SLC7A1: variants seen among roughly 807,000 people sequenced by gnomAD.
SLC7A1 encodes solute carrier family 7 member 1.
SLC7A1 carries 10 observed loss-of-function variants against 53.9 expected under a neutral mutation model. The ratio of observed to expected loss-of-function variants is 0.19; its 90% CI spans 0.11 to 0.31. The LOEUF is 0.31. SLC7A1 is among the 10% of genes least tolerant of loss of function. The pLI, the probability that SLC7A1 is intolerant of heterozygous loss-of-function variation, is 1.00. For synonymous variants in SLC7A1, 342 were observed against 338.7 expected (o/e 1.01, Z -0.11); for missense variants, 525 against 827.2 (o/e 0.63, Z 4.48).
chr13:29,517,396 G>A (rs1340410133), intron 10 of SLC7A1, 86 bp from the exon 11 acceptor site: 1 of 1,409,580 alleles, frequency 7.1e-7, no homozygotes. Context: ...CTAAACTTGT[G>A]GAGAGAGAGG....
intron 1 of SLC7A1, among the ~76,000 whole-genome samples, chr13:29,566,989 G>A (rs1436200500): frequency 6.6e-6 from 1 of 152,106 alleles, no homozygotes; most frequent in Non-Finnish European, 1.5e-5. Flanking sequence ...AGTTGCCGTT[G>A]GTAAGAGGCT....
intron 9 of SLC7A1, 103 bp from the exon 10 acceptor site, chr13:29,517,893 C>G (rs868068723): frequency 1.3e-5 from 11 of 850,942 alleles, no homozygotes; most frequent in Non-Finnish European, 2.2e-5. Context: ...GCCCGGGACA[C>G]AAGGTATAAA....
intron 1 of SLC7A1, among the ~76,000 whole-genome samples, chr13:29,592,287 G>A (rs1254626701): frequency 6.6e-6 from 1 of 152,174 alleles, no homozygotes; most frequent in East Asian, 1.9e-4. Flanking sequence ...GAGGAAAAAA[G>A]CCCAATGAAA....
chr13:29,589,644 C>T (rs9579412), intron 1 of SLC7A1, among the ~76,000 whole-genome samples: 27,900 of 152,152 alleles, frequency 0.18, 3,377 homozygotes, highest in African/African-American at 0.34. Flanking sequence ...AGCGTTGGGG[C>T]GGGTGACCGG....
rs1301067034 is a variant in SLC7A1 at position 29,553,757 on chromosome 13, GT to G, written c.-15+3del. The G allele has an allele frequency of 6.6e-6, 1 of 152,220 alleles. No individual in the cohort carries two copies. Among genetic ancestry groups the G allele is most frequent in the Non-Finnish European group, 1.5e-5 (1 of 68,056 alleles). The allele number at this position is 152,220 out of a possible 1,614,324, so 9.4% of individuals were successfully genotyped here. A position where few individuals can be genotyped will look rare whatever the true frequency, so the allele number is the denominator to read the frequency against. Reference sequence around the variant, plus strand: ...CTGCTGTCGTGCTGACAGGCAGACTGTACCTGGAATATGACGGGAAGCCTCA... The same window carrying G: ...CTGCTGTCGTGCTGACAGGCAGACTGACCTGGAATATGACGGGAAGCCTCA... On this transcript the variant is annotated splice_donor_region_variant and intron_variant, in intron 2 of 12. Transcript: ENST00000380752.
chr13:29,560,744 A>G (rs571236733), intron 1 of SLC7A1, among the ~76,000 whole-genome samples: 3 of 152,272 alleles, frequency 2.0e-5, no homozygotes, highest in African/African-American at 7.2e-5. Flanking sequence ...TTATAACCTT[A>G]TGGAACTACT....
At chr13:29,532,195 G>A (rs929494747) in intron 4 of SLC7A1, among the ~76,000 whole-genome samples, 1 of 152,178 alleles carries the variant, frequency 6.6e-6, no homozygotes, top group Non-Finnish European at 1.5e-5. Flanking sequence ...TGTTTATGGA[G>A]CCCCACAGAG....
chr13:29,580,811 G>A (rs1189781919), intron 1 of SLC7A1, among the ~76,000 whole-genome samples: 3 of 152,084 alleles, frequency 2.0e-5, no homozygotes, highest in South Asian at 2.1e-4. Context: ...CCATACAAAC[G>A]AAATCAGATT....
chr13:29,570,042 A>G (rs1440305304), intron 1 of SLC7A1, among the ~76,000 whole-genome samples: 2 of 152,244 alleles, frequency 1.3e-5, no homozygotes, highest in Non-Finnish European at 2.9e-5. Context: ...AACTCCCTGA[A>G]TGCCACATTC....
chr13:29,523,025 C>T (rs1223634537), intron 7 of SLC7A1, among the ~76,000 whole-genome samples: 1 of 152,182 alleles, frequency 6.6e-6, no homozygotes, highest in Non-Finnish European at 1.5e-5. Context: ...CCTTGCTAAG[C>T]AGATGATGCT....
At chr13:29,572,248 A>G (rs933253993) in intron 1 of SLC7A1, among the ~76,000 whole-genome samples, 23 of 152,258 alleles carry the variant, frequency 1.5e-4, no homozygotes, top group African/African-American at 5.3e-4. Context: ...AGAGAAGCCC[A>G]GTGGACCAGT....
At chr13:29,563,490 C>G (rs559240481) in intron 1 of SLC7A1, among the ~76,000 whole-genome samples, 1 of 152,204 alleles carries the variant, frequency 6.6e-6, no homozygotes, top group Admixed American at 6.5e-5. Context: ...AGAACACCCT[C>G]GATGTCCCTG....
In SLC7A1 at chr13:29,536,080, G is replaced by A; in HGVS notation, c.109C>T (p.Leu37=). ...RLSRCLNTFD[L]VALGVGSTLG... Reference sequence around the variant, plus strand: ...GTGCTGCCCACCCCGAGGGCCACCAGATCAAAAGTGTTCAGGCAGCGAGAC... The same window carrying A: ...GTGCTGCCCACCCCGAGGGCCACCAAATCAAAAGTGTTCAGGCAGCGAGAC... Residue 37 remains leucine (L), a synonymous_variant, in exon 3 of 13, where the codon CTG becomes TTG. Transcript: ENST00000380752. The A allele has an allele frequency of 6.2e-7, 1 of 1,613,986 alleles. No homozygotes were observed. The highest frequency in any genetic ancestry group is 8.5e-7 in the Non-Finnish European group (1 of 1,180,036).
chr13:29,536,392 T>C (rs1869422095), intron 2 of SLC7A1, among the ~76,000 whole-genome samples, 190 bp from the exon 3 acceptor site: 1 of 152,200 alleles, frequency 6.6e-6, no homozygotes, highest in African/African-American at 2.4e-5. Flanking sequence ...CACCAGCACA[T>C]ACAGAATTAA....
intron 3 of SLC7A1, among the ~76,000 whole-genome samples, chr13:29,533,929 G>T (rs1405311190): frequency 6.6e-6 from 1 of 152,162 alleles, no homozygotes; most frequent in Admixed American, 6.5e-5. Flanking sequence ...TTGCCACAGT[G>T]ATCTGCAGAG....
At chr13:29,579,078 G>A (rs531299178) in intron 1 of SLC7A1, among the ~76,000 whole-genome samples, 79 of 152,196 alleles carry the variant, frequency 5.2e-4, no homozygotes, top group Non-Finnish European at 8.7e-4. Flanking sequence ...ACAGAGCTTC[G>A]GCCAGACTCT....
intron 2 of SLC7A1, among the ~76,000 whole-genome samples, chr13:29,543,087 C>G (rs1566262639): frequency 6.6e-6 from 1 of 152,192 alleles, no homozygotes; most frequent in African/African-American, 2.4e-5. Flanking sequence ...GGCAAACCCC[C>G]AGTCCTTATT....
chr13:29,557,018 C>A (rs1219115591), intron 1 of SLC7A1, among the ~76,000 whole-genome samples: 1 of 152,250 alleles, frequency 6.6e-6, no homozygotes, highest in Non-Finnish European at 1.5e-5. Flanking sequence ...ATGAACTCAT[C>A]AGGATTAATG....
At chr13:29,587,929 G>A (rs1482961864) in intron 1 of SLC7A1, among the ~76,000 whole-genome samples, 1 of 152,242 alleles carries the variant, frequency 6.6e-6, no homozygotes, top group Non-Finnish European at 1.5e-5. Context: ...AGCTGAAGGA[G>A]CTGAGAAAGT....
Sources: gnomAD v4.1 joint callset for allele counts (sites outside exome capture counted in the v4.1 genomes callset) on GRCh38, gnomAD v4.1.1 for gene constraint, MANE v1.5 for transcripts, NCBI Gene and HGNC (gene_info 2026-07-23, HGNC 2026-07-21) for gene names.